Variants in PON2 observed in about 807,000 individuals in gnomAD.
PON2 encodes the protein serum paraoxonase/arylesterase 2.
PON2 carries 27 observed loss-of-function variants against 36.6 expected under a neutral mutation model. The ratio of observed to expected loss-of-function variants is 0.74; its 90% CI spans 0.54 to 1.02. The LOEUF is 1.02. Ranked by LOEUF, PON2 falls within the 50% of genes least tolerant of loss-of-function variation. The pLI is 0.00. For missense variants in PON2, 363 were observed against 421.1 expected, an observed-to-expected ratio of 0.86 and a Z score of 1.21; for synonymous variants, 149 against 156.3, an observed-to-expected ratio of 0.95 and a Z score of 0.35.
chr7:95,415,679 G>A (rs1389502820), intron 3 of PON2, among the ~76,000 whole-genome samples: 8 of 152,078 alleles, frequency 5.3e-5, no homozygotes, highest in African/African-American at 1.2e-4. Flanking sequence ...TGCGCTGGGC[G>A]TGGTGGCTCA....
chr7:95,417,722 C>A (rs1789101194), intron 2 of PON2, among the ~76,000 whole-genome samples: 1 of 149,856 alleles, frequency 6.7e-6, no homozygotes, highest in Admixed American at 6.6e-5. Flanking sequence ...CACACACACA[C>A]ACACCGAGAG....
In PON2 at chr7:95,411,666, CAT is replaced by C; in HGVS notation, c.479_480del (p.His160ArgfsTer8). On this transcript the variant is annotated frameshift_variant, in exon 5 of 9. Coordinates refer to ENST00000222572, the MANE Select transcript of PON2 (RefSeq NM_000305.3). LOFTEE classifies it high-confidence loss of function. ...ATGAGGAAGTACCTTGGAAGAAGCT[CAT>C]GTTTGACTGTTTTCAGATGCAACAG... ...NSLLHLKTVK[H>X]ELLPSVNDIT... The C allele has an allele frequency of 1.2e-6, 2 of 1,613,898 alleles. No individual in the cohort carries two copies. The highest frequency in any genetic ancestry group is 2.2e-5 in the South Asian group (2 of 91,048).
intron 1 of PON2, among the ~76,000 whole-genome samples, chr7:95,430,543 C>T (rs981713661): frequency 6.6e-5 from 10 of 151,972 alleles, no homozygotes; most frequent in African/African-American, 2.2e-4. Flanking sequence ...CAGGTATCCA[C>T]CCGCCTCAGC....
chr7:95,427,572 C>T (rs1413231050), intron 1 of PON2, among the ~76,000 whole-genome samples: 1 of 152,084 alleles, frequency 6.6e-6, no homozygotes. Flanking sequence ...CATTCTGCAT[C>T]CTTGAGAAAG....
chr7:95,408,173 C>G (rs1809755211), intron 6 of PON2, among the ~76,000 whole-genome samples: 1 of 152,194 alleles, frequency 6.6e-6, no homozygotes, highest in Non-Finnish European at 1.5e-5. Context: ...TTGTGCCTGG[C>G]ACTGTACTGG....
rs1201102139 is a variant in PON2, at chr7:95,416,247, TA to T, written c.195del (p.Phe65LeufsTer5). On this transcript the variant is annotated frameshift_variant, in exon 3 of 9. Transcript: ENST00000222572. LOFTEE classifies it high-confidence loss of function. ...GGAAGGAAGAAGACACTCACCACAC[TA>T]AAAAAAGCCAGACCATTGGGAAGTA... ...IDILPNGLAF[F>X]SVGLKFPGLH... 3 of 1,612,478 alleles carry T rather than the reference TA, an allele frequency of 1.9e-6. No homozygotes were observed. The highest frequency in any genetic ancestry group is 1.7e-5 in the Admixed American group (1 of 59,994).
Position 95,423,904 on chromosome 7 carries a change from A to G in PON2, c.145+611T>C, listed in dbSNP as rs17876093. Reference sequence around the variant, plus strand: ...AGGAGAAGTGCCGAGCAAAAGGGGGAAAAGCCCTTATAAAACCATCAGATC... The same window carrying G: ...AGGAGAAGTGCCGAGCAAAAGGGGGGAAAGCCCTTATAAAACCATCAGATC... On this transcript the variant is annotated intron_variant, in intron 2 of 8. Coordinates refer to ENST00000222572, the MANE Select transcript of PON2 (RefSeq NM_000305.3). 6.0e-3 allele frequency among the ~76,000 whole-genome samples: 915 copies of G among 152,232 alleles called. 9 individuals are homozygous for G. Among genetic ancestry groups the G allele is most frequent in the African/African-American group, 0.021 (872 of 41,520 alleles).
rs542210756 is a variant in PON2, at chr7:95,424,834, A to T, written c.75-249T>A. Among the ~76,000 whole-genome samples, 2 of 152,210 alleles carry T rather than the reference A, an allele frequency of 1.3e-5. 1 individual carries two copies. Among genetic ancestry groups the T allele is most frequent in the South Asian group, 4.1e-4 (2 of 4,822 alleles). On this transcript the variant is annotated intron_variant, in intron 1 of 8. Coordinates refer to ENST00000222572, the MANE Select transcript of PON2 (RefSeq NM_000305.3). ...GGTTATTAAAAAAAAAAAGCCAATA[A>T]CTCAACAAATAAAACTTATAATGCA...
intron 6 of PON2, among the ~76,000 whole-genome samples, chr7:95,407,744 A>C (rs1809740741): frequency 6.9e-6 from 1 of 144,724 alleles, no homozygotes; most frequent in South Asian, 2.3e-4. Flanking sequence ...TGTTGGAACA[A>C]ATCTCACTGG....
chr7:95,434,760 C>T (rs1789524089), intron 1 of PON2, 118 bp downstream of exon 1: 1 of 1,171,496 alleles, frequency 8.5e-7, no homozygotes, highest in African/African-American at 1.6e-5. Flanking sequence ...ATTCTCCACC[C>T]CCGGCCGCAG....
chr7:95,425,072 G>A (rs1789284685), intron 1 of PON2, among the ~76,000 whole-genome samples: 1 of 152,028 alleles, frequency 6.6e-6, no homozygotes, highest in Admixed American at 6.6e-5. Context: ...CCCACAAATA[G>A]TTACTAACAA....
chr7:95,411,676 T>G lies in PON2; in HGVS notation c.471A>C (p.Thr157=), dbSNP rs373501020. 3 of 1,613,908 alleles carry G rather than the reference T, an allele frequency of 1.9e-6. No homozygotes were observed. Among genetic ancestry groups the G allele is most frequent in the Non-Finnish European group, 1.7e-6 (2 of 1,179,942 alleles). ...ACCTTGGAAGAAGCTCATGTTTGAC[T>G]GTTTTCAGATGCAACAGAGAATTTT... is the stretch of plus-strand genomic sequence containing the variant. ...EAENSLLHLK[T]VKHELLPSVN... The change falls in exon 5 of 9, where the codon ACA becomes ACC. Residue 157 remains threonine (T), a synonymous_variant. Transcript: ENST00000222572.
Position 95,412,459 on chromosome 7 carries a change from G to C in PON2, c.220C>G (p.Leu74Val). The change falls in exon 4 of 9, where the codon CTC becomes GTC. Residue 74 changes from leucine to valine, a missense_variant. Coordinates refer to ENST00000222572, the MANE Select transcript of PON2 (RefSeq NM_000305.3). ...GGCTTATCTGGTGCAAAGCTGTGGA[G>C]TCCTGGGAATTTTAGACCCTTTCCA... ...FFSVGLKFPG[L>V]HSFAPDKPGG... 1.9e-6 allele frequency: 3 copies of C among 1,614,088 alleles called. No individual in the cohort carries two copies. Among genetic ancestry groups the C allele is most frequent in the Non-Finnish European group, 2.5e-6 (3 of 1,179,968 alleles).
chr7:95,419,442 T>G (rs1285138436), intron 2 of PON2, among the ~76,000 whole-genome samples: 2 of 152,220 alleles, frequency 1.3e-5, no homozygotes, highest in East Asian at 3.9e-4. Flanking sequence ...GACAAACCCT[T>G]TCTTTAGAAA....
In PON2 at chr7:95,411,646, G is replaced by C. The variant is rs750504571; in HGVS notation, c.494+7C>G. 1 of 1,613,852 alleles carries C rather than the reference G, an allele frequency of 6.2e-7. No individual in the cohort carries two copies. Among genetic ancestry groups the C allele is most frequent in the East Asian group, 2.2e-5 (1 of 44,856 alleles). Reference sequence around the variant, plus strand: ...TAAATTAGAGAAGGAACAAAATGAGGAAGTACCTTGGAAGAAGCTCATGTT... The same window carrying C: ...TAAATTAGAGAAGGAACAAAATGAGCAAGTACCTTGGAAGAAGCTCATGTT... On this transcript the variant is annotated splice_region_variant and intron_variant, in intron 5 of 8. Transcript: ENST00000222572.
intron 1 of PON2, among the ~76,000 whole-genome samples, chr7:95,432,433 AAAAC>A (rs950928333): frequency 2.0e-5 from 3 of 152,220 alleles, no homozygotes; most frequent in Admixed American, 6.5e-5. Context: ...AGAAAAACAA[AAAAC>A]AAACAAACAA....
chr7:95,426,265 G>A (rs201897590), intron 1 of PON2, among the ~76,000 whole-genome samples: 7 of 104,202 alleles, frequency 6.7e-5, no homozygotes, highest in South Asian at 6.2e-4. Flanking sequence ...TTATAAAACA[G>A]AGAGAGAAAA....
chr7:95,415,946 C>G lies in PON2; in HGVS notation c.201+296G>C, dbSNP rs17876124. The G allele has an allele frequency of 0.26, 111,116 of 420,456 alleles. 15,780 individuals are homozygous for G. Among genetic ancestry groups the G allele is most frequent in the South Asian group, 0.37 (14,666 of 39,952 alleles). 26.0% of individuals were successfully genotyped at this position (420,456 alleles called of 1,614,324 possible). A position where few individuals can be genotyped will look rare whatever the true frequency, so the allele number is the denominator to read the frequency against. Reference sequence around the variant, plus strand: ...CAGCCGGGGCAACCAGAACAAGACTCCGTCTCAAAAAATAAAAAAAATTAA... The same window carrying G: ...CAGCCGGGGCAACCAGAACAAGACTGCGTCTCAAAAAATAAAAAAAATTAA... On this transcript the variant is annotated intron_variant, in intron 3 of 8. Transcript: ENST00000222572.
In PON2 at chr7:95,429,795, C is replaced by T. The variant is rs147247872; in HGVS notation, c.74+5083G>A. Reference sequence around the variant, plus strand: ...CCAGGGCTTTATCTTTTATGTATAGCCTTGTAAAAACCCTTTGGAATTCAC... The same window carrying T: ...CCAGGGCTTTATCTTTTATGTATAGTCTTGTAAAAACCCTTTGGAATTCAC... On this transcript the variant is annotated intron_variant, in intron 1 of 8. Coordinates refer to ENST00000222572, the MANE Select transcript of PON2 (RefSeq NM_000305.3). Among the ~76,000 whole-genome samples the T allele has an allele frequency of 3.6e-3, 555 of 152,204 alleles. 4 individuals carry two copies. Among genetic ancestry groups the T allele is most frequent in the African/African-American group, 0.013 (525 of 41,534 alleles).
Sources: allele counts gnomAD v4.1 joint callset (sites outside exome capture counted in the v4.1 genomes callset), GRCh38; gene constraint gnomAD v4.1.1; transcripts MANE v1.5; gene names NCBI Gene and HGNC (gene_info 2026-07-23, HGNC 2026-07-21).